FMO3: variants seen among roughly 807,000 people sequenced by gnomAD.
FMO3 encodes flavin containing dimethylaniline monoxygenase 3.
A neutral mutation model predicts 39.4 loss-of-function variants in FMO3; 40 were observed. The ratio of observed to expected loss-of-function variants is 1.02; its 90% CI spans 0.79 to 1.32. The LOEUF (loss-of-function observed/expected upper bound fraction) is 1.32, where lower values mean the gene tolerates loss of function less well. Ranked by LOEUF, FMO3 falls within the 40% of genes most tolerant of loss-of-function variation. The pLI is 0.00. For missense variants in FMO3, 680 were observed against 651.8 expected (o/e 1.04, Z -0.47); for synonymous variants, 219 against 228.8 (o/e 0.96, Z 0.39).
intron 2 of FMO3, among the ~76,000 whole-genome samples, chr1:171,096,016 T>TATATTAATATATAATATAATATATAA (rs1431040753): frequency 2.1e-5 from 1 of 47,534 alleles, no homozygotes; most frequent in Non-Finnish European, 3.6e-5. Context: ...AATATACATA[T>TATATTAATATATAATATAATATATAA]TATATATTAA....
chr1:171,095,860 TATAA>T, intron 2 of FMO3, among the ~76,000 whole-genome samples: 1 of 117,684 alleles, frequency 8.5e-6, no homozygotes, highest in Non-Finnish European at 1.7e-5. Context: ...ATATATATAA[TATAA>T]ATATATATAA....
chr1:171,094,021 G>A (rs1654841826), intron 2 of FMO3, among the ~76,000 whole-genome samples: 2 of 151,600 alleles, frequency 1.3e-5, no homozygotes, highest in African/African-American at 2.4e-5. Context: ...TAGAGACAGA[G>A]TTTCGCCATG....
chr1:171,110,434 G>A (rs1354575478), intron 5 of FMO3, among the ~76,000 whole-genome samples: 3 of 152,274 alleles, frequency 2.0e-5, no homozygotes, highest in East Asian at 1.9e-4. Flanking sequence ...AAGTTCAGAC[G>A]TTTATTTGGG....
chr1:171,094,752 A>T (rs1351535794), intron 2 of FMO3, among the ~76,000 whole-genome samples: 1 of 152,110 alleles, frequency 6.6e-6, no homozygotes. Context: ...GGCTATAGGG[A>T]TGAGGCTTTA....
chr1:171,117,681 A>G lies in FMO3; in HGVS notation c.*239A>G. ...CTGTTTGAGTTCCACTAACACTTCA[A>G]AATCAGAACTATGTTCTTTATATCT... On this transcript the variant is annotated 3_prime_UTR_variant, in exon 9 of 9. Coordinates refer to ENST00000367755, the MANE Select transcript of FMO3 (RefSeq NM_001002294.3). The G allele has an allele frequency of 2.4e-6, 1 of 419,304 alleles. No homozygotes were observed. Among genetic ancestry groups the G allele is most frequent in the Non-Finnish European group, 4.2e-6 (1 of 236,084 alleles). 26.0% of individuals were successfully genotyped at this position (419,304 alleles called of 1,614,324 possible).
At position 171,112,044 on chromosome 1, in the gene FMO3, T is replaced by C. The variant is rs1449008273; in HGVS notation, c.827+1047T>C. Among the ~76,000 whole-genome samples, 3 of 152,122 alleles carry C rather than the reference T, an allele frequency of 2.0e-5. No homozygotes were observed. The East Asian group carries it at 5.8e-4, about 29-fold the overall frequency. The stretch of plus-strand genomic sequence containing the variant: ...CTGAAGGAGTTGAGGGAATGAGCCA[T>C]GAGGGTCTCAGGGGAAGGGTATTCC... On this transcript the variant is annotated intron_variant, in intron 6 of 8. Coordinates refer to ENST00000367755, the MANE Select transcript of FMO3 (RefSeq NM_001002294.3).
chr1:171,092,678 T>A lies in FMO3; in HGVS notation c.20T>A (p.Ile7Asn). The A allele has an allele frequency of 1.2e-6, 2 of 1,614,170 alleles. No individual in the cohort carries two copies. Among genetic ancestry groups the A allele is most frequent in the Non-Finnish European group, 1.7e-6 (2 of 1,180,012 alleles). Residue 7 changes from isoleucine to asparagine, a missense_variant, in exon 2 of 9, where the codon ATC (isoleucine) becomes AAC (asparagine). Coordinates refer to ENST00000367755, the MANE Select transcript of FMO3 (RefSeq NM_001002294.3). The stretch of plus-strand genomic sequence containing the variant: ...GTTACCATGGGGAAGAAAGTGGCCA[T>A]CATTGGAGCTGGTGTGAGTGGCTTG... The part of the protein sequence containing the change: MGKKVA[I>N]IGAGVSGLAS...
chr1:171,110,999 T>TA lies in FMO3; in HGVS notation c.827+4dup. ...CTATGGCTTGATGCCTTTAAATGGG[T>TA]AATGCAGAGCTAAACGTGATATGCC... On this transcript the variant is annotated splice_region_variant and intron_variant, in intron 6 of 8. Coordinates refer to ENST00000367755, the MANE Select transcript of FMO3 (RefSeq NM_001002294.3). The TA allele has an allele frequency of 6.2e-7, 1 of 1,611,768 alleles. No individual in the cohort carries two copies.
chr1:171,108,136 T>G lies in FMO3; in HGVS notation c.542T>G (p.Val181Gly). ...FHSRDYKEPG[V>G]FNGKRVLVVG... ...AGCAGGGACTATAAAGAACCAGGTG[T>G]ATTCAATGGAAAGCGTGTCCTGGTG... Residue 181 changes from valine to glycine, a missense_variant, in exon 5 of 9, where the codon GTA (valine) becomes GGA (glycine). Transcript: ENST00000367755. The G allele has an allele frequency of 6.2e-7, 1 of 1,613,912 alleles. No individual in the cohort carries two copies. The highest frequency in any genetic ancestry group is 1.1e-5 in the South Asian group (1 of 91,082).
At chr1:171,113,413 C>T (rs1288285572) in intron 6 of FMO3, among the ~76,000 whole-genome samples, 1 of 152,160 alleles carries the variant, frequency 6.6e-6, no homozygotes, top group Admixed American at 6.5e-5. Flanking sequence ...AGCTGCAGCT[C>T]TCACACCTTT....
intron 5 of FMO3, among the ~76,000 whole-genome samples, chr1:171,109,128 A>T (rs1655782996): frequency 6.6e-6 from 1 of 152,216 alleles, no homozygotes; most frequent in African/African-American, 2.4e-5. Flanking sequence ...TGTGGGAAGA[A>T]AGTAGTTTTA....
rs373733184 is a variant in FMO3 at position 171,117,318 on chromosome 1, G to A, written c.1475G>A (p.Arg492Gln). ...ARNAILTQWD[R>Q]SLKPMQTRVV... The stretch of plus-strand genomic sequence containing the variant: ...AATGCCATACTGACCCAGTGGGACC[G>A]GTCGTTGAAACCCATGCAGACACGA... Residue 492 changes from arginine to glutamine, a missense_variant, in exon 9 of 9, where the codon CGG (arginine) becomes CAG (glutamine). Arg to Gln is a conservative substitution (Grantham distance 43). Coordinates refer to ENST00000367755, the MANE Select transcript of FMO3 (RefSeq NM_001002294.3). The A allele has an allele frequency of 1.8e-5, 29 of 1,614,012 alleles. No homozygotes were observed. Among genetic ancestry groups the A allele is most frequent in the Middle Eastern group, 1.7e-4 (1 of 6,060 alleles).
At chr1:171,096,291 T>TAA (rs1491386019) in intron 2 of FMO3, among the ~76,000 whole-genome samples, 1,075 of 77,186 alleles carry the variant, frequency 0.014, 33 homozygotes, top group African/African-American at 0.056. Flanking sequence ...ATATTATATA[T>TAA]CTATTATATA....
At chr1:171,111,968 C>A (rs1421532508) in intron 6 of FMO3, among the ~76,000 whole-genome samples, 1 of 152,090 alleles carries the variant, frequency 6.6e-6, no homozygotes, top group Non-Finnish European at 1.5e-5. Flanking sequence ...AGGACAATTT[C>A]CAATAGAGTC....
chr1:171,098,921 G>T (rs1412815271), intron 2 of FMO3, among the ~76,000 whole-genome samples: 1 of 152,176 alleles, frequency 6.6e-6, no homozygotes, highest in African/African-American at 2.4e-5. Flanking sequence ...GATATTGGCT[G>T]TGGGTTTGTC....
intron 7 of FMO3, among the ~76,000 whole-genome samples, chr1:171,115,257 G>A (rs972792720): frequency 1.6e-4 from 25 of 152,244 alleles, no homozygotes; most frequent in Admixed American, 1.4e-3. Context: ...TGATGTACAC[G>A]GCACAGGCTC....
chr1:171,110,716 C>T, intron 5 of FMO3, 82 bp from the exon 6 acceptor site: 1 of 1,261,592 alleles, frequency 7.9e-7, no homozygotes, highest in Non-Finnish European at 1.2e-6. Flanking sequence ...TAGATCCATT[C>T]CTCAAGAGGG....
At chr1:171,099,329 A>AT (rs1403177573) in intron 2 of FMO3, among the ~76,000 whole-genome samples, 1 of 152,078 alleles carries the variant, frequency 6.6e-6, no homozygotes, top group Non-Finnish European at 1.5e-5. Flanking sequence ...TATGTGGTCA[A>AT]TTTTGGATTA....
At chr1:171,099,575 TA>T (rs778323397) in intron 2 of FMO3, among the ~76,000 whole-genome samples, 9 of 152,016 alleles carry the variant, frequency 5.9e-5, no homozygotes, top group Non-Finnish European at 1.0e-4. Context: ...AAGCTAGGTA[TA>T]TTTTTTTTCC....
Sources: allele counts gnomAD v4.1 joint callset (sites outside exome capture counted in the v4.1 genomes callset), GRCh38; gene constraint gnomAD v4.1.1; transcripts MANE v1.5; gene names NCBI Gene and HGNC (gene_info 2026-07-23, HGNC 2026-07-21).